The following CALN1 variants were observed in gnomAD, a reference collection of about 807,000 sequenced individuals.
The protein encoded by CALN1 is calcium-binding protein 8.
In CALN1, 17 loss-of-function variants were observed where a neutral mutation model predicts 30.6. The observed-to-expected ratio is 0.56, with a 90% confidence interval of 0.38 to 0.83. The LOEUF (loss-of-function observed/expected upper bound fraction) is 0.83. Among genes scored for constraint, CALN1 ranks in the 40% least tolerant of loss-of-function variants. CALN1 has a pLI of 0.00. For missense variants in CALN1, 291 were observed against 354.9 expected, an observed-to-expected ratio of 0.82 and a Z score of 1.45; for synonymous variants, 156 against 131.4, an observed-to-expected ratio of 1.19 and a Z score of -1.28.
chr7:72,314,425 A>G (rs1800292787), intron 2 of CALN1, among the ~76,000 whole-genome samples: 1 of 151,444 alleles, frequency 6.6e-6, no homozygotes, highest in African/African-American at 2.4e-5. Flanking sequence ...ATACACACAT[A>G]CATAGATTTT....
At chr7:72,407,448 C>G (rs1806778520) in intron 1 of CALN1, among the ~76,000 whole-genome samples, 1 of 152,138 alleles carries the variant, frequency 6.6e-6, no homozygotes, top group Non-Finnish European at 1.5e-5. Context: ...GTATTTTTCC[C>G]ACTTTCATGC....
At chr7:72,358,720 G>A (rs1803385673) in intron 2 of CALN1, among the ~76,000 whole-genome samples, 1 of 152,112 alleles carries the variant, frequency 6.6e-6, no homozygotes, top group African/African-American at 2.4e-5. Flanking sequence ...GGAGGCGGAG[G>A]CAAGCAGATC....
intron 5 of CALN1, among the ~76,000 whole-genome samples, chr7:71,880,185 A>C (rs1792483489): frequency 6.6e-6 from 1 of 152,220 alleles, no homozygotes; most frequent in Non-Finnish European, 1.5e-5. Flanking sequence ...ATTCTCAAAC[A>C]ATTGCTCAAG....
In CALN1 at chr7:72,356,510, C is replaced by T. The variant is rs569467970; in HGVS notation, c.119+46741G>A. On this transcript the variant is annotated intron_variant, in intron 2 of 6. Transcript: ENST00000395275. ...ACCAGTGGGTCAAGGATACACACTG[C>T]GGTCTCTAGGGATATCACTAAAATA... Among the ~76,000 whole-genome samples the T allele has an allele frequency of 4.3e-4, 65 of 151,880 alleles. No individual in the cohort carries two copies. In the South Asian group the frequency reaches 5.0e-3, roughly 12 times the overall value.
Position 71,818,780 on chromosome 7 carries a change from G to A in CALN1, c.502-8288C>T, listed in dbSNP as rs560634226. 2.0e-5 allele frequency among the ~76,000 whole-genome samples: 3 copies of A among 151,890 alleles called. No individual in the cohort carries two copies. In the South Asian group the frequency reaches 6.2e-4, roughly 32 times the overall value. Reference sequence around the variant, plus strand: ...GCTGGAGTGCAGTGGTGCGGTCTCAGCTCACTGCAACCTCCACCTCCTGGG... The same window carrying A: ...GCTGGAGTGCAGTGGTGCGGTCTCAACTCACTGCAACCTCCACCTCCTGGG... On this transcript the variant is annotated intron_variant, in intron 5 of 6. Coordinates refer to ENST00000395275, the MANE Select transcript of CALN1 (RefSeq NM_031468.4).
intron 4 of CALN1, among the ~76,000 whole-genome samples, chr7:72,102,330 A>G (rs944534507): frequency 6.6e-6 from 1 of 152,114 alleles, no homozygotes; most frequent in African/African-American, 2.4e-5. Context: ...CTGTAACCCC[A>G]GCTACTCAGG....
intron 2 of CALN1, among the ~76,000 whole-genome samples, chr7:72,363,778 G>T (rs1420609972): frequency 7.0e-6 from 1 of 142,488 alleles, no homozygotes; most frequent in Admixed American, 7.4e-5. Flanking sequence ...CCAGGCTGGA[G>T]TGCAGTGGCA....
intron 4 of CALN1, 99 bp downstream of exon 4, chr7:72,106,052 G>A: frequency 2.1e-6 from 3 of 1,442,884 alleles, no homozygotes; most frequent in Non-Finnish European, 2.8e-6. Flanking sequence ...TGTAAACCAA[G>A]TCTCTGGATT....
chr7:72,368,964 G>A (rs934939098), intron 2 of CALN1, among the ~76,000 whole-genome samples: 31 of 151,122 alleles, frequency 2.1e-4, no homozygotes, highest in Admixed American at 7.3e-4. Flanking sequence ...ACAGGCACCC[G>A]CCACCACGCC....
chr7:72,296,580 T>C (rs1459090769), intron 2 of CALN1, among the ~76,000 whole-genome samples: 1 of 145,832 alleles, frequency 6.9e-6, no homozygotes, highest in Non-Finnish European at 1.5e-5. Flanking sequence ...TTCTTCCTGG[T>C]TTAGTCTTGG....
intron 3 of CALN1, among the ~76,000 whole-genome samples, chr7:72,125,080 G>A (rs1563079030): frequency 1.3e-5 from 2 of 152,152 alleles, no homozygotes; most frequent in South Asian, 2.1e-4. Flanking sequence ...CTGGGCTGGC[G>A]TGCAATGGTG....
At chr7:72,336,648 AAG>A (rs1802064283) in intron 2 of CALN1, 6 of 968,900 alleles carry the variant, frequency 6.2e-6, no homozygotes, top group Non-Finnish European at 7.4e-6. Flanking sequence ...GGACCGAGGG[AAG>A]AAGAAAAGAG....
rs138755045 is a variant in CALN1, at chr7:72,371,660, T to G, written c.119+31591A>C. Among the ~76,000 whole-genome samples, 182 of 152,326 alleles carry G rather than the reference T, an allele frequency of 1.2e-3. 1 individual carries two copies. Among genetic ancestry groups the G allele is most frequent in the African/African-American group, 4.2e-3 (173 of 41,576 alleles). On this transcript the variant is annotated intron_variant, in intron 2 of 6. Coordinates refer to ENST00000395275, the MANE Select transcript of CALN1 (RefSeq NM_031468.4). Reference sequence around the variant, plus strand: ...TCTTTATAGCAGCATAAGAATGGACTAATGTAGCATGTATGTATGCATGTA... The same window carrying G: ...TCTTTATAGCAGCATAAGAATGGACGAATGTAGCATGTATGTATGCATGTA...
intron 5 of CALN1, among the ~76,000 whole-genome samples, chr7:71,831,483 ATAAT>A (rs756261093): frequency 2.6e-5 from 4 of 152,292 alleles, no homozygotes; most frequent in Non-Finnish European, 4.4e-5. Flanking sequence ...CTGTCTCAAA[ATAAT>A]TAATTAATTA....
intron 2 of CALN1, among the ~76,000 whole-genome samples, chr7:72,387,336 C>T (rs1386730561): frequency 7.2e-6 from 1 of 138,184 alleles, no homozygotes; most frequent in African/African-American, 2.7e-5. Flanking sequence ...ACAAGAATTC[C>T]ATAATTTATA....
intron 2 of CALN1, among the ~76,000 whole-genome samples, chr7:72,302,947 T>C (rs1799393020): frequency 7.5e-6 from 1 of 133,118 alleles, no homozygotes; most frequent in African/African-American, 2.8e-5. Context: ...GTGGCATCCA[T>C]CTGTAGTCCC....
At chr7:71,841,097 G>C (rs1309993663) in intron 5 of CALN1, among the ~76,000 whole-genome samples, 1 of 152,174 alleles carries the variant, frequency 6.6e-6, no homozygotes, top group Non-Finnish European at 1.5e-5. Context: ...GTAACAAACA[G>C]AGGCTATGTT....
chr7:72,392,896 G>A (rs1585646501), intron 2 of CALN1, among the ~76,000 whole-genome samples: 1 of 152,012 alleles, frequency 6.6e-6, no homozygotes, highest in African/African-American at 2.4e-5. Context: ...CTACTTCGGA[G>A]GCTGAGGTGG....
At chr7:72,276,190 G>A (rs1210565406) in intron 3 of CALN1, among the ~76,000 whole-genome samples, 1 of 152,148 alleles carries the variant, frequency 6.6e-6, no homozygotes, top group Admixed American at 6.5e-5. Flanking sequence ...GCACGCATGG[G>A]GGACTCCCAG....
Sources: gnomAD v4.1 joint callset for allele counts (sites outside exome capture counted in the v4.1 genomes callset) on GRCh38, gnomAD v4.1.1 for gene constraint, MANE v1.5 for transcripts, NCBI Gene and HGNC (gene_info 2026-07-23, HGNC 2026-07-21) for gene names.